The following SAMM50 variants were observed in gnomAD, a reference collection of about 807,000 sequenced individuals.
SAMM50 encodes the protein sorting and assembly machinery component 50 homolog.
A neutral mutation model predicts 66.9 loss-of-function variants in SAMM50; 47 were observed. The ratio of observed to expected loss-of-function variants is 0.70; its 90% CI spans 0.56 to 0.90. The LOEUF is 0.90. SAMM50 is among the 40% of genes least tolerant of loss of function. SAMM50 has a pLI of 0.00. For synonymous variants in SAMM50, 191 were observed against 214.1 expected (o/e 0.89, Z 0.94); for missense variants, 535 against 595.3 (o/e 0.90, Z 1.05).
chr22:43,996,411 G>A lies in SAMM50; in HGVS notation c.*28G>A, dbSNP rs1318984609. The A allele has an allele frequency of 1.9e-6, 3 of 1,612,266 alleles. No homozygotes were observed. The highest frequency in any genetic ancestry group is 1.1e-5 in the South Asian group (1 of 91,026). On this transcript the variant is annotated 3_prime_UTR_variant, in exon 15 of 15. Transcript: ENST00000350028. Reference sequence around the variant, plus strand: ...GACACCCCTACAGGAGAAGCTCTGGGACTGGGGCAGCAGCAAGGCGCCCAT... The same window carrying A: ...GACACCCCTACAGGAGAAGCTCTGGAACTGGGGCAGCAGCAAGGCGCCCAT...
intron 14 of SAMM50, 144 bp from the exon 15 acceptor site, chr22:43,996,194 G>A: frequency 1.2e-6 from 1 of 858,368 alleles, no homozygotes. Flanking sequence ...GGCCGGTGAG[G>A]GTGAGGCCGG....
Position 43,996,417 on chromosome 22 carries a change from G to GGCA in SAMM50, c.*41_*43dup, listed in dbSNP as rs2050355518. 2 of 1,609,734 alleles carry GGCA rather than the reference G, an allele frequency of 1.2e-6. No homozygotes were observed. Among genetic ancestry groups the GGCA allele is most frequent in the Non-Finnish European group, 1.7e-6 (2 of 1,176,072 alleles). On this transcript the variant is annotated 3_prime_UTR_variant, in exon 15 of 15. Coordinates refer to ENST00000350028, the MANE Select transcript of SAMM50 (RefSeq NM_015380.5). Reference sequence around the variant, plus strand: ...CCTACAGGAGAAGCTCTGGGACTGGGGCAGCAGCAAGGCGCCCATGCCACA... The same window carrying GGCA: ...CCTACAGGAGAAGCTCTGGGACTGGGGCAGCAGCAGCAAGGCGCCCATGCCACA...
At chr22:43,981,198 A>G (rs2050262900) in intron 10 of SAMM50, among the ~76,000 whole-genome samples, 193 bp from the exon 11 acceptor site, 1 of 152,212 alleles carries the variant, frequency 6.6e-6, no homozygotes, top group South Asian at 2.1e-4. Flanking sequence ...TGCGTGTTTT[A>G]ATAGAATCCA....
At position 43,975,812 on chromosome 22, in the gene SAMM50, C is replaced by T. The variant is rs567302530; in HGVS notation, c.649-243C>T. 9 of 452,854 alleles carry T rather than the reference C, an allele frequency of 2.0e-5. No homozygotes were observed. In the East Asian group the frequency reaches 3.2e-4, roughly 16 times the overall value. 28.1% of individuals were successfully genotyped at this position (452,854 alleles called of 1,614,324 possible). A position where few individuals can be genotyped will look rare whatever the true frequency, so the allele number is the denominator to read the frequency against. On this transcript the variant is annotated intron_variant, in intron 7 of 14. Coordinates refer to ENST00000350028, the MANE Select transcript of SAMM50 (RefSeq NM_015380.5). ...CCCTGTCCCTCACCTGGGGTGCAGT[C>T]CTGCTACTTAGAGCAGTACTGCCTT...
At chr22:43,966,165 C>T (rs1288647099) in intron 3 of SAMM50, among the ~76,000 whole-genome samples, 2 of 152,162 alleles carry the variant, frequency 1.3e-5, no homozygotes, top group Non-Finnish European at 2.9e-5. Flanking sequence ...AAACAGTTCT[C>T]CATTGATGGG....
chr22:43,987,088 T>G lies in SAMM50; in HGVS notation c.1076-2023T>G, dbSNP rs916506821. The G allele has an allele frequency of 1.2e-4, 19 of 152,316 alleles. No individual in the cohort carries two copies. In the East Asian group the frequency reaches 3.3e-3, roughly 26 times the overall value. 9.4% of individuals were successfully genotyped at this position (152,316 alleles called of 1,614,324 possible). Reference sequence around the variant, plus strand: ...AGTCTATGAGAGCTGAGCCTTTACCTACCTGAGAAGTAAGGCATGCTGGTG... The same window carrying G: ...AGTCTATGAGAGCTGAGCCTTTACCGACCTGAGAAGTAAGGCATGCTGGTG... On this transcript the variant is annotated intron_variant, in intron 12 of 14. Transcript: ENST00000350028.
At chr22:43,980,575 G>A (rs1365239749) in intron 10 of SAMM50, among the ~76,000 whole-genome samples, 1 of 151,946 alleles carries the variant, frequency 6.6e-6, no homozygotes. Flanking sequence ...GTGGGCTCTT[G>A]CTTCCACTCT....
At chr22:43,977,728 A>G in intron 9 of SAMM50, 144 bp from the exon 10 acceptor site, 1 of 577,888 alleles carries the variant, frequency 1.7e-6, no homozygotes, top group Non-Finnish European at 3.1e-6. Context: ...AACAATTAGG[A>G]TGTGGCTTCT....
intron 7 of SAMM50, chr22:43,975,054 C>G (rs1466610682): frequency 6.6e-6 from 1 of 152,068 alleles, no homozygotes; most frequent in East Asian, 1.9e-4. Flanking sequence ...TCCTTGGGGC[C>G]CATGTCAGGC....
chr22:43,975,076 T>C (rs1011774268), intron 7 of SAMM50: 1 of 151,470 alleles, frequency 6.6e-6, no homozygotes, highest in African/African-American at 2.4e-5. Flanking sequence ...TTCTAAGGAA[T>C]GAAGAAATGA....
At chr22:43,976,271 T>C in intron 8 of SAMM50, 88 bp downstream of exon 8, 2 of 1,480,590 alleles carry the variant, frequency 1.4e-6, no homozygotes, top group Non-Finnish European at 1.8e-6. Flanking sequence ...ATATCAGGGC[T>C]GACTGAGAAG....
In SAMM50 at chr22:43,972,228, T is replaced by G; in HGVS notation, c.323-8T>G. 2 of 1,531,386 alleles carry G rather than the reference T, an allele frequency of 1.3e-6. No homozygotes were observed. Among genetic ancestry groups the G allele is most frequent in the Non-Finnish European group, 1.8e-6 (2 of 1,133,472 alleles). The allele number at this position is 1,531,386 out of a possible 1,614,324, so 94.9% of individuals were successfully genotyped here. A position where few individuals can be genotyped will look rare whatever the true frequency, so the allele number is the denominator to read the frequency against. On this transcript the variant is annotated splice_region_variant and splice_polypyrimidine_tract_variant and intron_variant, in intron 4 of 14. Transcript: ENST00000350028. ...GGCTGTCTTATTGTTTAATATTTTTTTATTTAGGTGATGACGCACTTCCAA... is the reference window on the plus strand; with the variant it reads ...GGCTGTCTTATTGTTTAATATTTTTGTATTTAGGTGATGACGCACTTCCAA...
intron 14 of SAMM50, chr22:43,996,106 C>T (rs988472342): frequency 2.8e-5 from 18 of 648,712 alleles, no homozygotes; most frequent in South Asian, 6.9e-5. Flanking sequence ...TTGGGTCTCT[C>T]CTTCTTTCCC....
At chr22:43,978,896 G>A (rs912178089) in intron 10 of SAMM50, among the ~76,000 whole-genome samples, 2 of 152,170 alleles carry the variant, frequency 1.3e-5, no homozygotes, top group African/African-American at 4.8e-5. Context: ...TGTTTCTAGA[G>A]AGCTCATTTT....
At chr22:43,962,881 ATTTTTTTTTTTTTTTTTTTT>A (rs58022542) in intron 1 of SAMM50, among the ~76,000 whole-genome samples, 2 of 65,520 alleles carry the variant, frequency 3.1e-5, no homozygotes, top group East Asian at 6.2e-4. Context: ...CTTTTGGTTA[ATTTTTTTTTTTTTTTTTTTT>A]TTTTTTTTTT....
chr22:43,980,793 G>T (rs1436699253), intron 10 of SAMM50, among the ~76,000 whole-genome samples: 1 of 152,208 alleles, frequency 6.6e-6, no homozygotes, highest in Non-Finnish European at 1.5e-5. Context: ...GGGTGCAGGG[G>T]AGCAGGAGAG....
chr22:43,983,829 C>A lies in SAMM50; in HGVS notation c.1008-104C>A. ...GCCTTGTAAAAATGCTGTCGATAAT[C>A]TAGTATCGAATGTGAGTCTGACATG... On this transcript the variant is annotated intron_variant, in intron 11 of 14. Coordinates refer to ENST00000350028, the MANE Select transcript of SAMM50 (RefSeq NM_015380.5). This position sits in a 1 kb window ranked among gnomAD's most constrained non-coding sequence, Gnocchi z 4.2. 1 of 762,576 alleles carries A rather than the reference C, an allele frequency of 1.3e-6. No individual in the cohort carries two copies. The highest frequency in any genetic ancestry group is 2.2e-6 in the Non-Finnish European group (1 of 453,810). The allele number at this position is 762,576 out of a possible 1,614,324, so 47.2% of individuals were successfully genotyped here.
chr22:43,989,339 CTTT>C (rs34147065), intron 13 of SAMM50, 82 bp downstream of exon 13: 2,667 of 980,908 alleles, frequency 2.7e-3, no homozygotes, highest in Middle Eastern at 5.0e-3. Context: ...AGGTGTCTGT[CTTT>C]TTTTTTTTTT....
At chr22:43,980,405 G>A (rs977696665) in intron 10 of SAMM50, among the ~76,000 whole-genome samples, 3 of 151,248 alleles carry the variant, frequency 2.0e-5, no homozygotes, top group African/African-American at 4.9e-5. Flanking sequence ...ACCAGAAGGG[G>A]ATGCCATCTA....
Sources: allele counts gnomAD v4.1 joint callset (sites outside exome capture counted in the v4.1 genomes callset), GRCh38; gene constraint gnomAD v4.1.1; non-coding constraint Gnocchi (gnomAD v3.1); transcripts MANE v1.5; gene names NCBI Gene and HGNC (gene_info 2026-07-23, HGNC 2026-07-21).